The following LSAMP variants were observed in gnomAD, a reference collection of about 807,000 sequenced individuals.
LSAMP encodes the protein limbic system-associated membrane protein.
A neutral mutation model predicts 38.6 loss-of-function variants in LSAMP; 7 were observed. The observed-to-expected ratio is 0.18, with a 90% CI of 0.10 to 0.34. The LOEUF (loss-of-function observed/expected upper bound fraction) is 0.34, where lower values mean the gene tolerates loss of function less well. Ranked by LOEUF, LSAMP falls within the 10% of genes least tolerant of loss-of-function variation. The pLI is 1.00. For missense variants in LSAMP, 313 were observed against 420.0 expected (o/e 0.75, Z 2.23); for synonymous variants, 154 against 166.8 (o/e 0.92, Z 0.59).
intron 3 of LSAMP, among the ~76,000 whole-genome samples, chr3:115,967,500 A>G (rs1353779969): frequency 1.3e-5 from 2 of 152,132 alleles, no homozygotes; most frequent in African/African-American, 4.8e-5. Context: ...CCTGTTACCC[A>G]GTTCCAAAGT....
At chr3:116,290,215 G>C (rs1365233215) in intron 1 of LSAMP, among the ~76,000 whole-genome samples, 5 of 152,148 alleles carry the variant, frequency 3.3e-5, no homozygotes, top group African/African-American at 1.2e-4. Flanking sequence ...AAAGGAATTG[G>C]AGTAGTAGCA....
intron 1 of LSAMP, among the ~76,000 whole-genome samples, chr3:116,275,664 G>A (rs534404135): frequency 3.1e-4 from 47 of 152,078 alleles, no homozygotes; most frequent in African/African-American, 9.4e-4. Context: ...GTTTGCAGGC[G>A]GGACTGTGTG....
intron 1 of LSAMP, among the ~76,000 whole-genome samples, chr3:116,171,280 A>G (rs920675588): frequency 1.3e-5 from 2 of 152,156 alleles, no homozygotes; most frequent in Non-Finnish European, 2.9e-5. Flanking sequence ...TGAGAAGGGG[A>G]ATAGGATTAC....
chr3:115,826,814 AAAAG>A (rs1297605475), intron 6 of LSAMP, among the ~76,000 whole-genome samples: 2 of 152,206 alleles, frequency 1.3e-5, no homozygotes, highest in Non-Finnish European at 2.9e-5. Flanking sequence ...CGTGACCTCT[AAAAG>A]AAACTCTACA....
intron 1 of LSAMP, among the ~76,000 whole-genome samples, chr3:116,193,615 T>C (rs1434697460): frequency 6.6e-6 from 1 of 152,150 alleles, no homozygotes; most frequent in African/African-American, 2.4e-5. Context: ...TGCTAGACAA[T>C]GACTGATCTC....
chr3:116,317,825 T>A (rs1432783779), intron 1 of LSAMP, among the ~76,000 whole-genome samples: 1 of 151,650 alleles, frequency 6.6e-6, no homozygotes, highest in African/African-American at 2.4e-5. Flanking sequence ...ACCAATTAAT[T>A]CAAATGTCTT....
At chr3:116,192,664 T>A (rs1229472923) in intron 1 of LSAMP, among the ~76,000 whole-genome samples, 1 of 152,216 alleles carries the variant, frequency 6.6e-6, no homozygotes, top group African/African-American at 2.4e-5. Flanking sequence ...TATTAGGTGA[T>A]GAGTCAGCAA....
intron 1 of LSAMP, among the ~76,000 whole-genome samples, chr3:116,304,175 T>C (rs1314349338): frequency 6.6e-6 from 1 of 152,068 alleles, no homozygotes; most frequent in Non-Finnish European, 1.5e-5. Context: ...ATAAGTAAAA[T>C]TGTGTGCCCT....
chr3:116,040,452 C>A (rs895882827), intron 2 of LSAMP, among the ~76,000 whole-genome samples: 1 of 152,202 alleles, frequency 6.6e-6, no homozygotes, highest in African/African-American at 2.4e-5. Flanking sequence ...TTTCCCTCTA[C>A]ATAAAGCACA....
At chr3:115,832,376 T>C (rs1052731366) in intron 6 of LSAMP, among the ~76,000 whole-genome samples, 2 of 152,182 alleles carry the variant, frequency 1.3e-5, no homozygotes, top group African/African-American at 2.4e-5. Flanking sequence ...ATTTTAGGAA[T>C]GAAATTTAAG....
intron 1 of LSAMP, among the ~76,000 whole-genome samples, chr3:116,320,909 T>C (rs2047698644): frequency 6.6e-6 from 1 of 152,202 alleles, no homozygotes; most frequent in Non-Finnish European, 1.5e-5. Context: ...TCTGAAATCA[T>C]CTGGGCTGTG....
intron 1 of LSAMP, among the ~76,000 whole-genome samples, chr3:116,426,493 C>T (rs1217429046): frequency 7.0e-6 from 1 of 143,416 alleles, no homozygotes; most frequent in Non-Finnish European, 1.5e-5. Flanking sequence ...GAACTCAACA[C>T]ATGAAAAGAC....
At chr3:116,259,728 A>G (rs1035861685) in intron 1 of LSAMP, among the ~76,000 whole-genome samples, 1 of 152,092 alleles carries the variant, frequency 6.6e-6, no homozygotes, top group Non-Finnish European at 1.5e-5. Flanking sequence ...TTTATCTCCT[A>G]TTGGTTGAGT....
intron 1 of LSAMP, among the ~76,000 whole-genome samples, chr3:116,247,890 C>T (rs1315737523): frequency 1.3e-5 from 2 of 152,180 alleles, no homozygotes; most frequent in Non-Finnish European, 2.9e-5. Context: ...TTCTCCTCAC[C>T]TAAATTATAG....
At chr3:115,927,952 T>A (rs912777256) in intron 3 of LSAMP, among the ~76,000 whole-genome samples, 2 of 152,236 alleles carry the variant, frequency 1.3e-5, no homozygotes, top group Non-Finnish European at 2.9e-5. Flanking sequence ...AGCATACTTT[T>A]AAATTTCATT....
intron 1 of LSAMP, among the ~76,000 whole-genome samples, chr3:116,297,389 A>C (rs1398330028): frequency 6.6e-6 from 1 of 152,208 alleles, no homozygotes; most frequent in Non-Finnish European, 1.5e-5. Context: ...CTGACATCAG[A>C]GGTATGACAT....
intron 1 of LSAMP, among the ~76,000 whole-genome samples, chr3:116,341,287 G>T (rs1300409530): frequency 1.3e-5 from 2 of 151,802 alleles, no homozygotes; most frequent in African/African-American, 2.4e-5. Flanking sequence ...AGTGTTTTTT[G>T]TTGTTGTTGG....
intron 6 of LSAMP, among the ~76,000 whole-genome samples, chr3:115,836,443 T>G (rs1934788568): frequency 6.6e-6 from 1 of 152,340 alleles, no homozygotes. Context: ...TTCCAACTTT[T>G]GATTTTCAAA....
chr3:115,991,397 A>C (rs1939662739), intron 3 of LSAMP, among the ~76,000 whole-genome samples: 1 of 152,120 alleles, frequency 6.6e-6, no homozygotes, highest in South Asian at 2.1e-4. Flanking sequence ...TGTATTTAAT[A>C]AAATTAAATA....
Sources: gnomAD v4.1 joint callset for allele counts (sites outside exome capture counted in the v4.1 genomes callset) on GRCh38, gnomAD v4.1.1 for gene constraint, MANE v1.5 for transcripts, NCBI Gene and HGNC (gene_info 2026-07-23, HGNC 2026-07-21) for gene names.